The following CNTN1 variants were observed in gnomAD, a reference collection of about 807,000 sequenced individuals.
CNTN1 encodes contactin-1.
Under a neutral mutation model 126.4 loss-of-function variants are expected in CNTN1, and 38 were observed. The observed-to-expected ratio is 0.30, with a 90% CI of 0.23 to 0.39. The LOEUF (loss-of-function observed/expected upper bound fraction) is 0.39. CNTN1 is among the 10% of genes least tolerant of loss of function. CNTN1 has a pLI of 1.00. For synonymous variants in CNTN1, 413 were observed against 422.6 expected, an observed-to-expected ratio of 0.98 and a Z score of 0.28; for missense variants, 1,009 against 1,248.4, an observed-to-expected ratio of 0.81 and a Z score of 2.89.
At chr12:40,898,645 C>T (rs948740480) in intron 1 of CNTN1, among the ~76,000 whole-genome samples, 3 of 152,142 alleles carry the variant, frequency 2.0e-5, no homozygotes, top group Non-Finnish European at 4.4e-5. Context: ...TATTCAATGA[C>T]TCTTTTACCT....
At chr12:40,704,048 G>T (rs945116099) in intron 1 of CNTN1, among the ~76,000 whole-genome samples, 2 of 151,890 alleles carry the variant, frequency 1.3e-5, no homozygotes, top group Non-Finnish European at 2.9e-5. Flanking sequence ...ATAACAAAAA[G>T]AAATAAAGAA....
intron 1 of CNTN1, among the ~76,000 whole-genome samples, chr12:40,791,782 C>T (rs1000699145): frequency 6.6e-6 from 1 of 152,048 alleles, no homozygotes; most frequent in African/African-American, 2.4e-5. Context: ...CAGAAAGTAT[C>T]CTACCCACAT....
intron 17 of CNTN1, chr12:41,005,002 T>G (rs1201249592): frequency 6.6e-6 from 1 of 152,052 alleles, no homozygotes; most frequent in Non-Finnish European, 1.5e-5. Flanking sequence ...TGCAGACTTG[T>G]TTATGTGGTT....
At chr12:40,709,165 A>AATGG (rs1253217855) in intron 1 of CNTN1, among the ~76,000 whole-genome samples, 1 of 152,214 alleles carries the variant, frequency 6.6e-6, no homozygotes, top group Non-Finnish European at 1.5e-5. Flanking sequence ...ATGGCTGCAG[A>AATGG]ATGGATGTTA....
chr12:40,906,132 G>A (rs985056317), intron 1 of CNTN1, among the ~76,000 whole-genome samples: 5 of 152,162 alleles, frequency 3.3e-5, no homozygotes, highest in South Asian at 4.2e-4. Flanking sequence ...TTAGCCGGGC[G>A]TGGTGGTGGG....
At chr12:40,703,414 G>A (rs1287413674) in intron 1 of CNTN1, among the ~76,000 whole-genome samples, 1 of 152,106 alleles carries the variant, frequency 6.6e-6, no homozygotes, top group African/African-American at 2.4e-5. Flanking sequence ...GCTTTTCAAT[G>A]GATAAAGATT....
intron 23 of CNTN1, among the ~76,000 whole-genome samples, chr12:41,056,047 G>A (rs1189260575): frequency 1.3e-5 from 2 of 152,038 alleles, no homozygotes; most frequent in African/African-American, 4.8e-5. Context: ...ATGCCCTTTA[G>A]TCTGGGCCTG....
In CNTN1 at chr12:40,844,069, A is replaced by ATTTTTTTTTTTT. The variant is rs397957366; in HGVS notation, c.-76-64283_-76-64272dup. Among the ~76,000 whole-genome samples, 105 of 84,626 alleles carry ATTTTTTTTTTTT rather than the reference A, an allele frequency of 1.2e-3. 23 individuals are homozygous for ATTTTTTTTTTTT. The highest frequency in any genetic ancestry group is 4.0e-3 in the Admixed American group (23 of 5,804). 55.5% of individuals were successfully genotyped at this position (84,626 alleles called of 152,430 possible). ...ATTGAAAAAATTCTTTGGCACAATGATTTTTTTTTTTTTTTTGAGACGGAG... is the reference window on the plus strand; with the variant it reads ...ATTGAAAAAATTCTTTGGCACAATGATTTTTTTTTTTTTTTTTTTTTTTTTTTTGAGACGGAG... On this transcript the variant is annotated intron_variant, in intron 1 of 23. Coordinates refer to ENST00000551295, the MANE Select transcript of CNTN1 (RefSeq NM_001843.4).
chr12:40,844,704 GCTGT>G (rs1387777765), intron 1 of CNTN1, among the ~76,000 whole-genome samples: 2 of 151,968 alleles, frequency 1.3e-5, no homozygotes, highest in Admixed American at 6.6e-5. Context: ...ATTGATTCTT[GCTGT>G]CTAAGGACCT....
At chr12:40,790,820 T>C (rs189752486) in intron 1 of CNTN1, among the ~76,000 whole-genome samples, 26 of 152,270 alleles carry the variant, frequency 1.7e-4, no homozygotes, top group African/African-American at 6.0e-4. Flanking sequence ...ATTCTTTCCA[T>C]GTTAAAAAAT....
chr12:40,936,696 T>G (rs754223684), intron 9 of CNTN1, 85 bp from the exon 10 acceptor site: 2 of 1,536,386 alleles, frequency 1.3e-6, no homozygotes, highest in Admixed American at 3.4e-5. Context: ...AGAATTAGGT[T>G]AACTAAATGT....
At chr12:40,692,767 G>A (rs924531276) in intron 1 of CNTN1, among the ~76,000 whole-genome samples, 175 bp downstream of exon 1, 1 of 152,236 alleles carries the variant, frequency 6.6e-6, no homozygotes, top group Admixed American at 6.5e-5. Context: ...CTGGGGTGCG[G>A]GGAAGCAGGG....
intron 1 of CNTN1, among the ~76,000 whole-genome samples, chr12:40,841,992 AT>A (rs71839244): frequency 9.2e-5 from 14 of 151,778 alleles, no homozygotes; most frequent in East Asian, 3.9e-4. Flanking sequence ...ATTTATACAA[AT>A]TTTTTTTAAA....
At chr12:40,822,148 C>CTTTTTTTTTTTTTTTTGTT (rs1941460456) in intron 1 of CNTN1, among the ~76,000 whole-genome samples, 1 of 47,236 alleles carries the variant, frequency 2.1e-5, no homozygotes, top group Non-Finnish European at 4.3e-5. Flanking sequence ...AAATATAAAT[C>CTTTTTTTTTTTTTTTTGTT]TTTTTTTTTT....
At chr12:40,960,215 T>A (rs1157520170) in intron 15 of CNTN1, among the ~76,000 whole-genome samples, 1 of 151,990 alleles carries the variant, frequency 6.6e-6, no homozygotes, top group Non-Finnish European at 1.5e-5. Flanking sequence ...AGTTGTAAAA[T>A]TCATATATGT....
chr12:40,830,500 A>T (rs1350868945), intron 1 of CNTN1, among the ~76,000 whole-genome samples: 1 of 151,734 alleles, frequency 6.6e-6, no homozygotes, highest in South Asian at 2.1e-4. Context: ...TTGAAAGAAA[A>T]ATGTACTTAA....
At chr12:40,779,164 G>A (rs954607153) in intron 1 of CNTN1, among the ~76,000 whole-genome samples, 2 of 151,532 alleles carry the variant, frequency 1.3e-5, no homozygotes, top group African/African-American at 4.8e-5. Flanking sequence ...TAAAATCTTA[G>A]TAAATAACAG....
intron 1 of CNTN1, among the ~76,000 whole-genome samples, chr12:40,838,010 C>A (rs566923110): frequency 6.6e-6 from 1 of 152,160 alleles, no homozygotes; most frequent in African/African-American, 2.4e-5. Context: ...TGCTTCTCCC[C>A]GGAGCATTGC....
intron 22 of CNTN1, 57 bp from the exon 23 acceptor site, chr12:41,029,006 G>A: frequency 1.3e-6 from 2 of 1,506,250 alleles, no homozygotes; most frequent in South Asian, 2.3e-5. Flanking sequence ...TTTAGTGTTA[G>A]AGCATTGGCT....
Sources: gnomAD v4.1 joint callset for allele counts (sites outside exome capture counted in the v4.1 genomes callset) on GRCh38, gnomAD v4.1.1 for gene constraint, MANE v1.5 for transcripts, NCBI Gene and HGNC (gene_info 2026-07-23, HGNC 2026-07-21) for gene names.